TTLL5: variants seen among roughly 807,000 people sequenced by gnomAD.
The protein encoded by TTLL5 is tubulin tyrosine ligase like 5, also known as tubulin polyglutamylase TTLL5.
Under a neutral mutation model 168.4 loss-of-function variants are expected in TTLL5, and 132 were observed. That is an observed-to-expected ratio of 0.78 (90% CI 0.68 to 0.91). The LOEUF (loss-of-function observed/expected upper bound fraction) is 0.91, where lower values mean the gene tolerates loss of function less well. TTLL5 is among the 40% of genes least tolerant of loss of function. The pLI is 0.00. For synonymous variants in TTLL5, 546 were observed against 558.6 expected (o/e 0.98, Z 0.32); for missense variants, 1,545 against 1,581.5 (o/e 0.98, Z 0.39).
At chr14:75,859,285 G>GC (rs1481875192) in intron 28 of TTLL5, among the ~76,000 whole-genome samples, 1 of 152,212 alleles carries the variant, frequency 6.6e-6, no homozygotes, top group Non-Finnish European at 1.5e-5. Context: ...GCTGGAGGTT[G>GC]CAGGTATGCT....
chr14:75,811,185 G>GTGTGTGTGTA (rs1566614362), intron 27 of TTLL5, among the ~76,000 whole-genome samples: 14 of 121,198 alleles, frequency 1.2e-4, no homozygotes, highest in Non-Finnish European at 2.5e-4. Flanking sequence ...GTGTGTGTGT[G>GTGTGTGTGTA]TGTATGTGTG....
At chr14:75,853,592 G>T (rs2139899984) in intron 28 of TTLL5, among the ~76,000 whole-genome samples, 1 of 152,266 alleles carries the variant, frequency 6.6e-6, no homozygotes, top group South Asian at 2.1e-4. Flanking sequence ...GTATTGCAAA[G>T]TACAAGAGAG....
intron 2 of TTLL5, among the ~76,000 whole-genome samples, chr14:75,667,751 G>GTTTTT (rs67181555): frequency 0.013 from 1,133 of 89,086 alleles, 57 homozygotes; most frequent in African/African-American, 0.042. Context: ...ATCTTTTTAT[G>GTTTTT]TTTTTTTTTT....
chr14:75,781,655 G>A (rs921923378), intron 24 of TTLL5, among the ~76,000 whole-genome samples: 1 of 152,136 alleles, frequency 6.6e-6, no homozygotes, highest in Admixed American at 6.5e-5. Flanking sequence ...CCTATCTCCA[G>A]TAAAACTGAA....
At chr14:75,800,590 C>G (rs187705336) in intron 27 of TTLL5, among the ~76,000 whole-genome samples, 13 of 152,232 alleles carry the variant, frequency 8.5e-5, no homozygotes, top group African/African-American at 2.9e-4. Context: ...TCCTTCTCAT[C>G]TGGGTAGTCT....
At chr14:75,767,661 C>T (rs1051797179) in intron 20 of TTLL5, among the ~76,000 whole-genome samples, 1 of 152,008 alleles carries the variant, frequency 6.6e-6, no homozygotes, top group African/African-American at 2.4e-5. Context: ...TGTGAAGGGC[C>T]GTAAGAGGAG....
At chr14:75,764,896 G>GT (rs1399109421) in intron 19 of TTLL5, 124 bp downstream of exon 19, 14 of 1,107,398 alleles carry the variant, frequency 1.3e-5, no homozygotes, top group Non-Finnish European at 1.6e-5. Context: ...TTTTTATATA[G>GT]TTTTTTCTCT....
At chr14:75,871,709 TC>T (rs1410917457) in intron 29 of TTLL5, among the ~76,000 whole-genome samples, 1 of 152,198 alleles carries the variant, frequency 6.6e-6, no homozygotes, top group Non-Finnish European at 1.5e-5. Flanking sequence ...TATGAGGGAC[TC>T]CCAGCAGTAA....
At chr14:75,856,487 A>G (rs1897131279) in intron 28 of TTLL5, among the ~76,000 whole-genome samples, 1 of 152,128 alleles carries the variant, frequency 6.6e-6, no homozygotes, top group African/African-American at 2.4e-5. Context: ...TCAACATGGT[A>G]TATCTTTGTA....
intron 7 of TTLL5, among the ~76,000 whole-genome samples, chr14:75,706,102 C>T (rs1886643601): frequency 6.6e-6 from 1 of 152,154 alleles, no homozygotes; most frequent in Admixed American, 6.6e-5. Context: ...GTGCCATCTT[C>T]CGATGATGGG....
intron 12 of TTLL5, among the ~76,000 whole-genome samples, chr14:75,725,091 A>G (rs187319294): frequency 2.6e-4 from 39 of 152,308 alleles, no homozygotes; most frequent in Admixed American, 2.4e-3. Context: ...ATCAGAGCCC[A>G]GTGACGTGTT....
rs964484478 is a variant in TTLL5, at chr14:75,886,619, A to AT, written c.3740+3728dup. 8,980 of 1,105,266 alleles carry AT rather than the reference A, an allele frequency of 8.1e-3. 1 individual carries two copies. The highest frequency in any genetic ancestry group is 9.0e-3 in the Non-Finnish European group (7,259 of 805,242). 68.5% of individuals were successfully genotyped at this position (1,105,266 alleles called of 1,614,324 possible). A position where few individuals can be genotyped will look rare whatever the true frequency, so the allele number is the denominator to read the frequency against. On this transcript the variant is annotated intron_variant, in intron 30 of 31. Transcript: ENST00000298832. ...AGTTCTGTGAAGGGAATGATTTAAA[A>AT]TTTTTTTTTTTACCATTTTCCTGGT...
chr14:75,865,470 G>A (rs912122963), intron 29 of TTLL5, among the ~76,000 whole-genome samples: 23 of 151,644 alleles, frequency 1.5e-4, no homozygotes, highest in East Asian at 1.2e-3. Context: ...CCAAACCCCC[G>A]CAACACGCCA....
intron 30 of TTLL5, among the ~76,000 whole-genome samples, chr14:75,888,897 C>A (rs2032252300): frequency 6.7e-6 from 1 of 148,590 alleles, no homozygotes; most frequent in African/African-American, 2.5e-5. Context: ...GATCACACCA[C>A]TGCACTCCAG....
intron 15 of TTLL5, among the ~76,000 whole-genome samples, chr14:75,735,818 C>T (rs1308789228): frequency 1.3e-5 from 2 of 152,194 alleles, no homozygotes. Flanking sequence ...TTGCTTCGGT[C>T]TTTGTGTACT....
chr14:75,805,261 T>A (rs554480654), intron 27 of TTLL5, among the ~76,000 whole-genome samples: 2 of 152,368 alleles, frequency 1.3e-5, no homozygotes, highest in East Asian at 3.9e-4. Flanking sequence ...CAGTAATTCC[T>A]CTGAGAAATC....
Position 75,783,492 on chromosome 14 carries a change from A to C in TTLL5, c.2948A>C (p.Tyr983Ser), listed in dbSNP as rs769668574. ...TCCTTCCAAAGTGCTGCACACATCT[A>C]TAGCCAGAAACTGTCTCGTCCCTCT... is the stretch of plus-strand genomic sequence containing the variant. ...FSSFQSAAHI[Y>S]SQKLSRPSSA... The change falls in exon 26 of 32, where the codon TAT becomes TCT. Residue 983 changes from tyrosine to serine, a missense_variant. Physicochemically the swap from Tyr to Ser is moderately radical, Grantham distance 144 (BLOSUM62 -2). Transcript: ENST00000298832. 5 of 1,614,060 alleles carry C rather than the reference A, an allele frequency of 3.1e-6. No homozygotes were observed. In the African/African-American group the frequency reaches 6.7e-5, roughly 22 times the overall value.
At chr14:75,740,875 T>C (rs1889218484) in intron 15 of TTLL5, among the ~76,000 whole-genome samples, 1 of 152,206 alleles carries the variant, frequency 6.6e-6, no homozygotes, top group South Asian at 2.1e-4. Context: ...TTTGTAAAAC[T>C]GCATTGGGAG....
chr14:75,933,269 C>T (rs1001959596), intron 31 of TTLL5, among the ~76,000 whole-genome samples: 1 of 152,110 alleles, frequency 6.6e-6, no homozygotes, highest in African/African-American at 2.4e-5. Context: ...CCAGCCTGGA[C>T]AAGAGTGAGA....
Sources: gnomAD v4.1 joint callset for allele counts (sites outside exome capture counted in the v4.1 genomes callset) on GRCh38, gnomAD v4.1.1 for gene constraint, MANE v1.5 for transcripts, NCBI Gene and HGNC (gene_info 2026-07-23, HGNC 2026-07-21) for gene names.